NSUN4: variants seen among roughly 807,000 people sequenced by gnomAD.
NSUN4 encodes the protein NOP2/Sun RNA methyltransferase 4, also known as 5-cytosine rRNA methyltransferase NSUN4.
Under a neutral mutation model 43.8 loss-of-function variants are expected in NSUN4, and 31 were observed. The observed-to-expected ratio is 0.71, with a 90% CI of 0.53 to 0.96. The LOEUF is 0.96. Ranked by LOEUF, NSUN4 falls within the 40% of genes least tolerant of loss-of-function variation. The pLI, the probability that NSUN4 is intolerant of heterozygous loss-of-function variation, is 0.00. For synonymous variants in NSUN4, 167 were observed against 184.1 expected, an observed-to-expected ratio of 0.91 and a Z score of 0.75; for missense variants, 439 against 475.6, an observed-to-expected ratio of 0.92 and a Z score of 0.72.
the NSUN4 span, among the ~76,000 whole-genome samples, chr1:46,374,303 A>T: frequency 6.7e-6 from 1 of 149,868 alleles, no homozygotes; most frequent in Non-Finnish European, 1.5e-5. Context: ...AAAAAAAAAA[A>T]AAAAAAAAAA....
chr1:46,366,177 C>T (rs1664129206), downstream of NSUN4, among the ~76,000 whole-genome samples: 1 of 152,036 alleles, frequency 6.6e-6, no homozygotes, highest in Non-Finnish European at 1.5e-5. Context: ...TATCTTGATA[C>T]CTCGTTGTGG....
chr1:46,374,129 A>G, the NSUN4 span, among the ~76,000 whole-genome samples: 4 of 151,916 alleles, frequency 2.6e-5, no homozygotes, highest in African/African-American at 9.7e-5. Flanking sequence ...TCTACTAAAA[A>G]TACAAAAATA....
At chr1:46,352,788 A>C in intron 3 of NSUN4, 80 bp from the exon 4 acceptor site, 3 of 1,389,886 alleles carry the variant, frequency 2.2e-6, no homozygotes, top group Non-Finnish European at 3.0e-6. Context: ...CTACCTGAGA[A>C]TTGGTCTGAC....
chr1:46,356,607 G>A (rs1276898617), intron 4 of NSUN4, among the ~76,000 whole-genome samples: 8 of 152,008 alleles, frequency 5.3e-5, no homozygotes, highest in Admixed American at 5.2e-4. Context: ...CAGGAGAATG[G>A]CGTAAACCCT....
At position 46,352,771 on chromosome 1, in the gene NSUN4, G is replaced by T. The variant is rs1353181080; in HGVS notation, c.593-97G>T. ...GTTCCTGATGCTGGGGTTTGCATTG[G>T]CTGGGACTACCTGAGAATTGGTCTG... On this transcript the variant is annotated intron_variant, in intron 3 of 5. Coordinates refer to ENST00000474844, the MANE Select transcript of NSUN4 (RefSeq NM_199044.4). 8.3e-6 allele frequency: 10 copies of T among 1,200,752 alleles called. No individual in the cohort carries two copies. In the South Asian group the frequency reaches 1.2e-4, roughly 14 times the overall value. 74.4% of individuals were successfully genotyped at this position (1,200,752 alleles called of 1,614,324 possible).
At chr1:46,377,210 C>A in the NSUN4 span, among the ~76,000 whole-genome samples, 6 of 151,284 alleles carry the variant, frequency 4.0e-5, no homozygotes, top group Admixed American at 1.3e-4. Context: ...CCACCACACC[C>A]GAGTAATTTT....
chr1:46,343,554 A>G (rs1216529586), intron 1 of NSUN4: 1 of 400,188 alleles, frequency 2.5e-6, no homozygotes, highest in Non-Finnish European at 4.4e-6. Flanking sequence ...TTCCCACCAA[A>G]GCCAAAGCCG....
intron 4 of NSUN4, among the ~76,000 whole-genome samples, chr1:46,358,398 A>ATTTTTTTTTTTTTTTTTTTTT (rs34719174): frequency 1.0e-5 from 1 of 95,456 alleles, no homozygotes; most frequent in Non-Finnish European, 2.0e-5. Flanking sequence ...TCCTGGCCTA[A>ATTTTTTTTTTTTTTTTTTTTT]TTTTTTTTTT....
intron 4 of NSUN4, among the ~76,000 whole-genome samples, chr1:46,355,938 C>T (rs781474816): frequency 3.3e-5 from 5 of 151,270 alleles, no homozygotes; most frequent in Admixed American, 6.6e-5. Flanking sequence ...TGCTTGAACC[C>T]GGGAGGCAGA....
At chr1:46,340,964 A>G (rs1159828802) in intron 1 of NSUN4, 45 bp downstream of exon 1, 1 of 1,520,184 alleles carries the variant, frequency 6.6e-7, no homozygotes. Flanking sequence ...GAGGGTGGAA[A>G]CTTCTCCAGT....
downstream of NSUN4, among the ~76,000 whole-genome samples, chr1:46,365,499 C>T (rs1282224496): frequency 1.3e-5 from 2 of 152,100 alleles, no homozygotes; most frequent in Non-Finnish European, 2.9e-5. Flanking sequence ...ACCACCATGC[C>T]TGGTTAATTT....
At chr1:46,352,110 C>T (rs184859369) in intron 3 of NSUN4, among the ~76,000 whole-genome samples, 3 of 149,688 alleles carry the variant, frequency 2.0e-5, no homozygotes, top group Admixed American at 6.7e-5. Context: ...GGATGAGAGG[C>T]GTGAGCCACT....
At chr1:46,365,530 C>T (rs567696468), downstream of NSUN4, among the ~76,000 whole-genome samples, 77 of 152,042 alleles carry the variant, frequency 5.1e-4, no homozygotes, top group African/African-American at 1.8e-3. Context: ...TTAGTAGAAA[C>T]GGGGTTTCGC....
rs983183341 is a variant in NSUN4 at position 46,362,237 on chromosome 1, A to G, written c.*391A>G. ...GGGACTTCATGTCAGTGCAAATGCCATTAGTTCCATTTGTACCAGCCAGTT... is the reference window on the plus strand; with the variant it reads ...GGGACTTCATGTCAGTGCAAATGCCGTTAGTTCCATTTGTACCAGCCAGTT... On this transcript the variant is annotated 3_prime_UTR_variant, in exon 6 of 6. Coordinates refer to ENST00000474844, the MANE Select transcript of NSUN4 (RefSeq NM_199044.4). 1.0e-5 allele frequency: 2 copies of G among 200,418 alleles called. No individual in the cohort carries two copies. Among genetic ancestry groups the G allele is most frequent in the Non-Finnish European group, 2.0e-5 (2 of 98,634 alleles). 12.4% of individuals were successfully genotyped at this position (200,418 alleles called of 1,614,324 possible).
intron 4 of NSUN4, 87 bp downstream of exon 4, chr1:46,353,115 C>A: frequency 7.8e-7 from 1 of 1,286,426 alleles, no homozygotes; most frequent in Non-Finnish European, 1.1e-6. Flanking sequence ...AGGATCCAGC[C>A]CCTATGTTTG....
At chr1:46,357,332 A>C (rs1477386244) in intron 4 of NSUN4, among the ~76,000 whole-genome samples, 12 of 152,188 alleles carry the variant, frequency 7.9e-5, no homozygotes, top group Non-Finnish European at 1.8e-4. Context: ...GGCATGTGCC[A>C]GCATGTCCAG....
chr1:46,340,975 C>A, intron 1 of NSUN4, 56 bp downstream of exon 1: 1 of 1,473,658 alleles, frequency 6.8e-7, no homozygotes, highest in Non-Finnish European at 9.3e-7. Context: ...CTTCTCCAGT[C>A]TTTCCGTTTC....
At chr1:46,360,884 G>A in intron 5 of NSUN4, 56 bp downstream of exon 5, 1 of 1,598,322 alleles carries the variant, frequency 6.3e-7, no homozygotes, top group East Asian at 2.2e-5. Context: ...TGGGAGACTG[G>A]GGGACTGGAA....
chr1:46,346,596 C>T (rs1175380811), intron 2 of NSUN4, among the ~76,000 whole-genome samples: 1 of 148,708 alleles, frequency 6.7e-6, no homozygotes, highest in East Asian at 1.9e-4. Flanking sequence ...TGGTGGCGGG[C>T]ACCTGTAATC....
Sources: allele counts gnomAD v4.1 joint callset (sites outside exome capture counted in the v4.1 genomes callset), GRCh38; gene constraint gnomAD v4.1.1; transcripts MANE v1.5; gene names NCBI Gene and HGNC (gene_info 2026-07-23, HGNC 2026-07-21).